The following GUCY1A2 variants were observed in gnomAD, a reference collection of about 807,000 sequenced individuals.
GUCY1A2 encodes the protein guanylate cyclase 1 soluble subunit alpha 2.
A neutral mutation model predicts 63.5 loss-of-function variants in GUCY1A2; 27 were observed. The ratio of observed to expected loss-of-function variants is 0.43; its 90% CI spans 0.31 to 0.59. GUCY1A2 has a LOEUF of 0.59. Ranked by LOEUF, GUCY1A2 falls within the 20% of genes least tolerant of loss-of-function variation. The pLI, the probability that GUCY1A2 is intolerant of heterozygous loss-of-function variation, is 0.11. For synonymous variants in GUCY1A2, 364 were observed against 343.5 expected (o/e 1.06, Z -0.66); for missense variants, 768 against 913.3 (o/e 0.84, Z 2.05).
intron 4 of GUCY1A2, among the ~76,000 whole-genome samples, chr11:106,933,368 G>GA (rs1860630343): frequency 6.6e-6 from 1 of 151,972 alleles, no homozygotes; most frequent in Non-Finnish European, 1.5e-5. Context: ...CTAAATATCA[G>GA]AAAAATGCAA....
At chr11:106,982,067 A>G (rs1369925085) in intron 2 of GUCY1A2, among the ~76,000 whole-genome samples, 1 of 152,198 alleles carries the variant, frequency 6.6e-6, no homozygotes, top group Non-Finnish European at 1.5e-5. Flanking sequence ...AAACTTCACC[A>G]CAACCCTGTT....
chr11:106,871,949 C>A (rs1026815517), intron 4 of GUCY1A2, among the ~76,000 whole-genome samples: 1 of 152,138 alleles, frequency 6.6e-6, no homozygotes, highest in African/African-American at 2.4e-5. Flanking sequence ...CTGCATATTA[C>A]CAGCCTTGAC....
At chr11:106,704,906 C>T (rs1057412526) in intron 7 of GUCY1A2, among the ~76,000 whole-genome samples, 1 of 150,412 alleles carries the variant, frequency 6.6e-6, no homozygotes, top group Admixed American at 6.6e-5. Context: ...ATTATATGCA[C>T]TATTTAAAGT....
At chr11:106,839,752 T>G (rs10890607) in intron 4 of GUCY1A2, among the ~76,000 whole-genome samples, 1 of 150,714 alleles carries the variant, frequency 6.6e-6, no homozygotes, top group Non-Finnish European at 1.5e-5. Context: ...AGCAAACTAT[T>G]GCAAGGACAA....
chr11:107,001,181 G>T lies in GUCY1A2; in HGVS notation c.304-15050C>A, dbSNP rs568829873. 5.3e-5 allele frequency among the ~76,000 whole-genome samples: 8 copies of T among 152,240 alleles called. No individual in the cohort carries two copies. The South Asian group carries it at 1.5e-3, about 28-fold the overall frequency. ...TTTCATTCCTGAAATGTTTGAAACA[G>T]AATCACAAGAAAATAGGTAGCAGAG... On this transcript the variant is annotated intron_variant, in intron 1 of 7. Transcript: ENST00000526355.
intron 5 of GUCY1A2, among the ~76,000 whole-genome samples, chr11:106,786,562 T>G (rs1016546966): frequency 6.6e-6 from 1 of 152,236 alleles, no homozygotes; most frequent in African/African-American, 2.4e-5. Context: ...AAATACTGTT[T>G]CTACCTCCCA....
intron 4 of GUCY1A2, among the ~76,000 whole-genome samples, chr11:106,822,878 A>T (rs1858921194): frequency 6.6e-6 from 1 of 152,194 alleles, no homozygotes; most frequent in Non-Finnish European, 1.5e-5. Context: ...TTAAAATAAT[A>T]GTTGAAGGCA....
chr11:106,795,078 A>C (rs1864730268), intron 5 of GUCY1A2, among the ~76,000 whole-genome samples: 1 of 152,220 alleles, frequency 6.6e-6, no homozygotes, highest in Non-Finnish European at 1.5e-5. Flanking sequence ...TGTCAACTGC[A>C]ACAAATATGT....
intron 4 of GUCY1A2, among the ~76,000 whole-genome samples, chr11:106,909,679 A>G (rs1591323634): frequency 6.6e-6 from 1 of 152,010 alleles, no homozygotes; most frequent in Non-Finnish European, 1.5e-5. Flanking sequence ...TTTTGCATGC[A>G]TCAATAGCTC....
At chr11:106,733,596 C>T (rs775166953) in intron 6 of GUCY1A2, among the ~76,000 whole-genome samples, 1 of 152,088 alleles carries the variant, frequency 6.6e-6, no homozygotes, top group Non-Finnish European at 1.5e-5. Context: ...GCAGCACTTA[C>T]TAGACTGAAG....
chr11:106,912,579 A>G (rs952914582), intron 4 of GUCY1A2, among the ~76,000 whole-genome samples: 2 of 152,066 alleles, frequency 1.3e-5, no homozygotes, highest in African/African-American at 2.4e-5. Flanking sequence ...ATTTGAGAAA[A>G]CTGCAGTGGG....
At chr11:106,863,723 G>A (rs569060600) in intron 4 of GUCY1A2, among the ~76,000 whole-genome samples, 2 of 152,178 alleles carry the variant, frequency 1.3e-5, no homozygotes, top group East Asian at 3.9e-4. Context: ...AATTACTTTG[G>A]GCAGTATGGC....
chr11:106,771,308 T>C (rs764876219), intron 6 of GUCY1A2, among the ~76,000 whole-genome samples: 3 of 152,174 alleles, frequency 2.0e-5, no homozygotes, highest in Non-Finnish European at 4.4e-5. Flanking sequence ...CAGTCAGCAC[T>C]AAAAACTATT....
At chr11:106,792,500 C>G (rs1864682394) in intron 5 of GUCY1A2, among the ~76,000 whole-genome samples, 1 of 151,356 alleles carries the variant, frequency 6.6e-6, no homozygotes, top group Non-Finnish European at 1.5e-5. Context: ...AAAAACAGAA[C>G]TAAAGACAAA....
intron 4 of GUCY1A2, among the ~76,000 whole-genome samples, chr11:106,869,096 T>C (rs562240144): frequency 2.6e-5 from 4 of 152,266 alleles, no homozygotes; most frequent in South Asian, 2.1e-4. Flanking sequence ...ACACCTTATA[T>C]GAAAATTAAT....
intron 6 of GUCY1A2, among the ~76,000 whole-genome samples, chr11:106,744,954 T>TA (rs1863760484): frequency 6.6e-6 from 1 of 152,122 alleles, no homozygotes; most frequent in African/African-American, 2.4e-5. Flanking sequence ...ATTTTGAATT[T>TA]TAAAAAAAAT....
intron 4 of GUCY1A2, chr11:106,826,837 A>C: frequency 2.5e-6 from 4 of 1,607,948 alleles, no homozygotes; most frequent in Non-Finnish European, 3.4e-6. Context: ...GGCAGCATAG[A>C]TATCAGGAAG....
At chr11:106,888,134 A>G (rs993171949) in intron 4 of GUCY1A2, among the ~76,000 whole-genome samples, 3 of 152,030 alleles carry the variant, frequency 2.0e-5, no homozygotes, top group African/African-American at 7.2e-5. Flanking sequence ...TAACTTGTCT[A>G]AAAAAGTATT....
At chr11:106,883,716 A>G (rs1283188155) in intron 4 of GUCY1A2, among the ~76,000 whole-genome samples, 1 of 152,168 alleles carries the variant, frequency 6.6e-6, no homozygotes, top group African/African-American at 2.4e-5. Context: ...GGCTAAAAGT[A>G]CTTTGTATTA....
Sources: gnomAD v4.1 joint callset for allele counts (sites outside exome capture counted in the v4.1 genomes callset) on GRCh38, gnomAD v4.1.1 for gene constraint, MANE v1.5 for transcripts, NCBI Gene and HGNC (gene_info 2026-07-23, HGNC 2026-07-21) for gene names.